The following B3GNT3 variants were observed in gnomAD, a reference collection of about 807,000 sequenced individuals.
B3GNT3 encodes N-acetyllactosaminide beta-1,3-N-acetylglucosaminyltransferase 3.
A neutral mutation model predicts 11.6 loss-of-function variants in B3GNT3; 7 were observed. The ratio of observed to expected loss-of-function variants is 0.60; its 90% CI spans 0.34 to 1.13. The LOEUF is 1.13. B3GNT3 is among the 50% of genes most tolerant of loss of function. The pLI, the probability that B3GNT3 is intolerant of heterozygous loss-of-function variation, is 0.03. For missense variants in B3GNT3, 400 were observed against 507.4 expected, an observed-to-expected ratio of 0.79 and a Z score of 2.03; for synonymous variants, 201 against 222.1, an observed-to-expected ratio of 0.90 and a Z score of 0.85.
At chr19:17,795,856 C>T (rs1231492781) in intron 1 of B3GNT3, among the ~76,000 whole-genome samples, 1 of 152,056 alleles carries the variant, frequency 6.6e-6, no homozygotes, top group Non-Finnish European at 1.5e-5. Flanking sequence ...GCGTGACTGG[C>T]GTTAGGTCTC....
intron 2 of B3GNT3, among the ~76,000 whole-genome samples, chr19:17,810,847 C>T (rs1192912710): frequency 6.6e-6 from 1 of 151,796 alleles, no homozygotes; most frequent in Non-Finnish European, 1.5e-5. Flanking sequence ...CACCACTCCA[C>T]TCCAGCCTGG....
rs1346361744 is a variant in B3GNT3 at position 17,812,171 on chromosome 19, G to A, written c.*49G>A. The A allele has an allele frequency of 4.6e-6, 7 of 1,509,992 alleles. No homozygotes were observed. The highest frequency in any genetic ancestry group is 4.2e-5 in the Admixed American group (2 of 47,218). The allele number at this position is 1,509,992 out of a possible 1,614,324, so 93.5% of individuals were successfully genotyped here. ...CTGGGCTCCTGTTTCCATAGGAAGGGGCGACACCTTCCTCCCAGGAAGCTG... is the reference window on the plus strand; with the variant it reads ...CTGGGCTCCTGTTTCCATAGGAAGGAGCGACACCTTCCTCCCAGGAAGCTG... On this transcript the variant is annotated 3_prime_UTR_variant, in exon 3 of 3. Transcript: ENST00000318683.
intron 1 of B3GNT3, among the ~76,000 whole-genome samples, chr19:17,798,372 C>T (rs1308929721): frequency 6.6e-6 from 1 of 152,082 alleles, no homozygotes; most frequent in Non-Finnish European, 1.5e-5. Context: ...GTGGCAGCTG[C>T]TATTAAATCT....
intron 1 of B3GNT3, among the ~76,000 whole-genome samples, chr19:17,800,446 A>G (rs74986984): frequency 0.054 from 8,188 of 152,234 alleles, 267 homozygotes; most frequent in Middle Eastern, 0.075. Flanking sequence ...ACCTGGGGCA[A>G]GGGCCCAGCC....
intron 1 of B3GNT3, among the ~76,000 whole-genome samples, chr19:17,806,944 GAAAAAAAAA>G (rs374487355): frequency 2.5e-5 from 2 of 79,378 alleles, no homozygotes; most frequent in Admixed American, 1.4e-4. Flanking sequence ...TCCATCTCAA[GAAAAAAAAA>G]AAAAAAAAAA....
chr19:17,803,657 G>A (rs1314052076), intron 1 of B3GNT3, among the ~76,000 whole-genome samples: 5 of 152,138 alleles, frequency 3.3e-5, no homozygotes, highest in Middle Eastern at 3.4e-3. Flanking sequence ...CAGGAGTGCA[G>A]GGTAGGCGCT....
chr19:17,804,150 A>AGGGGGTGGAAAAAGAAGGACCAGAAGGAG (rs1568390677), intron 1 of B3GNT3, among the ~76,000 whole-genome samples: 6 of 148,198 alleles, frequency 4.0e-5, no homozygotes, highest in African/African-American at 1.5e-4. Flanking sequence ...CCACCCCCTA[A>AGGGGGTGGAAAAAGAAGGACCAGAAGGAG]CATCTGGACA....
chr19:17,807,960 T>TCCCGGC lies in B3GNT3; in HGVS notation c.155_156insCGGCCC (p.Pro52_Pro53insGlyPro). Reference sequence around the variant, plus strand: ...TCCCCGAGGCCCTGGCCTGGCCCACTCCACCCACCCGCCCAGCCCCGGCCC... The same window carrying TCCCGGC: ...TCCCCGAGGCCCTGGCCTGGCCCACTCCCGGCCCACCCACCCGCCCAGCCCCGGCCC... On this transcript the variant is annotated inframe_insertion, in exon 2 of 3. Coordinates refer to ENST00000318683, the MANE Select transcript of B3GNT3 (RefSeq NM_014256.4). 30 of 1,609,390 alleles carry TCCCGGC rather than the reference T, an allele frequency of 1.9e-5. No homozygotes were observed. Among genetic ancestry groups the TCCCGGC allele is most frequent in the Non-Finnish European group, 2.5e-5 (29 of 1,177,990 alleles).
rs767072314 is a variant in B3GNT3, at chr19:17,807,933, G to A, written c.126G>A (p.Ala42=). The A allele has an allele frequency of 6.2e-7, 1 of 1,613,318 alleles. No homozygotes were observed. The highest frequency in any genetic ancestry group is 1.7e-5 in the Admixed American group (1 of 59,998). The change falls in exon 2 of 3, where the codon GCG becomes GCA. Residue 42 remains alanine (A), a synonymous_variant. Transcript: ENST00000318683. ...GCAAGGTCCAGGAGCAGCCACCGGC[G>A]ATCCCCGAGGCCCTGGCCTGGCCCA... is the stretch of plus-strand genomic sequence containing the variant. ...PTCKVQEQPP[A]IPEALAWPTP...
At chr19:17,795,906 G>A (rs2094158997) in intron 1 of B3GNT3, among the ~76,000 whole-genome samples, 1 of 152,132 alleles carries the variant, frequency 6.6e-6, no homozygotes, top group Non-Finnish European at 1.5e-5. Flanking sequence ...GGGGTCTCAT[G>A]GCATGGGACC....
In B3GNT3 at chr19:17,807,111, A is replaced by AGTGTGT. The variant is rs56140662; in HGVS notation, c.-50-618_-50-613dup. Among the ~76,000 whole-genome samples the AGTGTGT allele has an allele frequency of 1.6e-3, 190 of 116,296 alleles. 1 individual carries two copies. Among genetic ancestry groups the AGTGTGT allele is most frequent in the African/African-American group, 4.9e-3 (149 of 30,512 alleles). 76.3% of individuals were successfully genotyped at this position (116,296 alleles called of 152,430 possible). A position where few individuals can be genotyped will look rare whatever the true frequency, so the allele number is the denominator to read the frequency against. On this transcript the variant is annotated intron_variant, in intron 1 of 2. Coordinates refer to ENST00000318683, the MANE Select transcript of B3GNT3 (RefSeq NM_014256.4). ...TTTGCAGTCAGGGAGCAGTGGCCCC[A>AGTGTGT]GTGTGTGTGTGTGTGTGTGTGTGTG... is the stretch of plus-strand genomic sequence containing the variant.
rs535151007 is a variant in B3GNT3 at position 17,812,236 on chromosome 19, G to A, written c.*114G>A. Reference sequence around the variant, plus strand: ...TGAGCATAAGGGAGTGCCAGGGAAGGTTTGAGGTTTGATGAGTGAATATTC... The same window carrying A: ...TGAGCATAAGGGAGTGCCAGGGAAGATTTGAGGTTTGATGAGTGAATATTC... On this transcript the variant is annotated 3_prime_UTR_variant, in exon 3 of 3. Transcript: ENST00000318683. 5 of 1,201,106 alleles carry A rather than the reference G, an allele frequency of 4.2e-6. No individual in the cohort carries two copies. In the Admixed American group the frequency reaches 1.4e-4, roughly 34 times the overall value. 74.4% of individuals were successfully genotyped at this position (1,201,106 alleles called of 1,614,324 possible).
intron 1 of B3GNT3, among the ~76,000 whole-genome samples, chr19:17,800,199 A>T (rs1342382611): frequency 6.6e-6 from 1 of 151,676 alleles, no homozygotes; most frequent in Non-Finnish European, 1.5e-5. Flanking sequence ...ACGCGCTGAA[A>T]CCCCGTCTTT....
rs2094183939 is a variant in B3GNT3 at position 17,813,570 on chromosome 19, C to T, written c.*1448C>T. Among the ~76,000 whole-genome samples, 1 of 151,478 alleles carries T rather than the reference C, an allele frequency of 6.6e-6. No individual in the cohort carries two copies. Among genetic ancestry groups the T allele is most frequent in the Non-Finnish European group, 1.5e-5 (1 of 67,930 alleles). On this transcript the variant is annotated 3_prime_UTR_variant, in exon 3 of 3. Transcript: ENST00000318683. ...CTCCTTATTGCTTTCAGCTCATAAC[C>T]CCACATATCCCCACAGACAGATTCT...
rs755399950 is a variant in B3GNT3 at position 17,812,056 on chromosome 19, G to A, written c.1053G>A (p.Met351Ile). Reference sequence around the variant, plus strand: ...TGCACCGCTTCCTACCTTATGAGATGCTGCTCATGTGGGATGCGCTGAACC... The same window carrying A: ...TGCACCGCTTCCTACCTTATGAGATACTGCTCATGTGGGATGCGCTGAACC... The part of the protein sequence containing the change: ...LLVHRFLPYE[M>I]LLMWDALNQP... The change falls in exon 3 of 3, where the codon ATG (methionine) becomes ATA (isoleucine). Residue 351 changes from methionine to isoleucine, a missense_variant. By Grantham distance (10) the Met-to-Ile change is conservative. Coordinates refer to ENST00000318683, the MANE Select transcript of B3GNT3 (RefSeq NM_014256.4). 6.3e-7 allele frequency: 1 copy of A among 1,599,014 alleles called. No individual in the cohort carries two copies. Among genetic ancestry groups the A allele is most frequent in the Admixed American group, 1.7e-5 (1 of 60,000 alleles).
chr19:17,805,804 ATT>A (rs578162993), intron 1 of B3GNT3, among the ~76,000 whole-genome samples: 2 of 147,790 alleles, frequency 1.4e-5, no homozygotes, highest in African/African-American at 5.0e-5. Flanking sequence ...ATCATTTACA[ATT>A]TTTTTTTTTG....
In B3GNT3 at chr19:17,811,956, G is replaced by T. The variant is rs777127908; in HGVS notation, c.953G>T (p.Arg318Leu). The T allele has an allele frequency of 1.2e-5, 20 of 1,610,058 alleles. No individual in the cohort carries two copies. The highest frequency in any genetic ancestry group is 1.5e-5 in the Non-Finnish European group (18 of 1,180,002). ...AAGCCTGCCTCCCACAGCGGCATCC[G>T]CACGTCTGGCGTGCGGGCTCCATCG... ...GLKPASHSGI[R>L]TSGVRAPSQR... is the part of the protein sequence containing the mutation. The change falls in exon 3 of 3, where the codon CGC becomes CTC. Residue 318 changes from arginine (R) to leucine (L), a missense_variant. Arg to Leu is a moderately radical substitution (Grantham distance 102). Coordinates refer to ENST00000318683, the MANE Select transcript of B3GNT3 (RefSeq NM_014256.4). This position sits in a 1 kb window ranked among gnomAD's most constrained non-coding sequence, Gnocchi z 4.1.
In B3GNT3 at chr19:17,811,138, C is replaced by T. The variant is rs113183609; in HGVS notation, c.568-433C>T. 1.0e-3 allele frequency among the ~76,000 whole-genome samples: 155 copies of T among 152,026 alleles called. 1 individual carries two copies. Among genetic ancestry groups the T allele is most frequent in the African/African-American group, 3.4e-3 (143 of 41,482 alleles). On this transcript the variant is annotated intron_variant, in intron 2 of 2. Coordinates refer to ENST00000318683, the MANE Select transcript of B3GNT3 (RefSeq NM_014256.4). This position sits in a 1 kb window ranked among gnomAD's most constrained non-coding sequence, Gnocchi z 4.1. Reference sequence around the variant, plus strand: ...CTGAGGTGGAAGGATCACCTGAGCCCGGGAATTTGAGGCTGCAATGAACTA... The same window carrying T: ...CTGAGGTGGAAGGATCACCTGAGCCTGGGAATTTGAGGCTGCAATGAACTA...
At chr19:17,803,626 AG>A (rs1219033158) in intron 1 of B3GNT3, among the ~76,000 whole-genome samples, 1 of 151,930 alleles carries the variant, frequency 6.6e-6, no homozygotes, top group Non-Finnish European at 1.5e-5. Flanking sequence ...CTTGGGGTGA[AG>A]TTTTTTCACC....
Sources: gnomAD v4.1 joint callset for allele counts (sites outside exome capture counted in the v4.1 genomes callset) on GRCh38, gnomAD v4.1.1 for gene constraint, Gnocchi (gnomAD v3.1) non-coding constraint, MANE v1.5 for transcripts, NCBI Gene and HGNC (gene_info 2026-07-23, HGNC 2026-07-21) for gene names.